The following SNTG1 variants were observed in gnomAD, a reference collection of about 807,000 sequenced individuals.
SNTG1 encodes the protein syntrophin gamma 1, also known as gamma-1-syntrophin.
A neutral mutation model predicts 74.7 loss-of-function variants in SNTG1; 39 were observed. That is an observed-to-expected ratio of 0.52 (90% CI 0.40 to 0.68). The LOEUF (loss-of-function observed/expected upper bound fraction) is 0.68. Among genes scored for constraint, SNTG1 ranks in the 30% least tolerant of loss-of-function variants. The pLI, the probability that SNTG1 is intolerant of heterozygous loss-of-function variation, is 0.00. For synonymous variants in SNTG1, 254 were observed against 217.1 expected (o/e 1.17, Z -1.49); for missense variants, 685 against 609.5 (o/e 1.12, Z -1.30).
intron 1 of SNTG1, among the ~76,000 whole-genome samples, chr8:49,938,547 CTTTTCTTTTGTTTTCTTTTCT>C (rs1323825821): frequency 1.8e-5 from 1 of 55,888 alleles, no homozygotes; most frequent in Admixed American, 2.3e-4. Context: ...ACCATGCCTT[CTTTTCTTTTGTTTTCTTTTCT>C]TTTCTTTTCT....
At chr8:49,984,537 T>C (rs887711953) in intron 1 of SNTG1, among the ~76,000 whole-genome samples, 6 of 152,154 alleles carry the variant, frequency 3.9e-5, no homozygotes, top group African/African-American at 7.2e-5. Context: ...ATTTCCAGTA[T>C]CAAATGAATG....
chr8:50,698,567 G>A (rs1025837039), intron 15 of SNTG1, among the ~76,000 whole-genome samples: 29 of 152,152 alleles, frequency 1.9e-4, no homozygotes, highest in Non-Finnish European at 3.7e-4. Flanking sequence ...GGTTCTGGCT[G>A]TGGGAACCTC....
At chr8:50,614,337 G>A (rs528414698) in intron 13 of SNTG1, among the ~76,000 whole-genome samples, 4 of 151,984 alleles carry the variant, frequency 2.6e-5, no homozygotes, top group African/African-American at 9.7e-5. Context: ...GCTTGAAATA[G>A]TTTCTTTCTA....
intron 2 of SNTG1, among the ~76,000 whole-genome samples, chr8:50,224,465 C>T (rs972731533): frequency 6.6e-6 from 1 of 152,132 alleles, no homozygotes; most frequent in African/African-American, 2.4e-5. Flanking sequence ...GACTCAGGAC[C>T]CTAGGCCTCA....
intron 18 of SNTG1, among the ~76,000 whole-genome samples, chr8:50,756,929 C>T (rs1270013860): frequency 6.6e-6 from 1 of 151,670 alleles, no homozygotes; most frequent in Non-Finnish European, 1.5e-5. Context: ...TTTAGTACTT[C>T]TTTGATTTAT....
intron 15 of SNTG1, among the ~76,000 whole-genome samples, chr8:50,672,265 G>C (rs1312828908): frequency 2.0e-5 from 3 of 152,002 alleles, no homozygotes; most frequent in Non-Finnish European, 4.4e-5. Flanking sequence ...GCCACATTGT[G>C]TTCCAAAATG....
intron 5 of SNTG1, among the ~76,000 whole-genome samples, chr8:50,445,768 C>G (rs1447601209): frequency 6.6e-6 from 1 of 152,160 alleles, no homozygotes; most frequent in African/African-American, 2.4e-5. Context: ...CAGTCCCGCC[C>G]AGGAGTGCCT....
chr8:50,645,924 T>G (rs2095106438), intron 13 of SNTG1, among the ~76,000 whole-genome samples: 1 of 152,148 alleles, frequency 6.6e-6, no homozygotes, highest in Non-Finnish European at 1.5e-5. Flanking sequence ...GATGCACATC[T>G]CTGAGCTTTT....
chr8:50,414,411 T>C (rs1017984905), intron 4 of SNTG1, among the ~76,000 whole-genome samples: 19 of 152,090 alleles, frequency 1.2e-4, no homozygotes, highest in Non-Finnish European at 2.5e-4. Context: ...ATCCTTTGGG[T>C]GATAGGAATG....
chr8:50,350,915 C>G (rs961257251), intron 2 of SNTG1, among the ~76,000 whole-genome samples: 1 of 152,212 alleles, frequency 6.6e-6, no homozygotes, highest in Admixed American at 6.5e-5. Context: ...CCGCCCAAAC[C>G]AGCAGTGGCA....
chr8:50,211,125 T>C (rs886766885), intron 2 of SNTG1, among the ~76,000 whole-genome samples: 2 of 152,168 alleles, frequency 1.3e-5, no homozygotes, highest in African/African-American at 4.8e-5. Flanking sequence ...CATCCCAAAA[T>C]ATGTTGACTC....
intron 12 of SNTG1, among the ~76,000 whole-genome samples, chr8:50,583,924 C>A (rs2130835830): frequency 6.6e-6 from 1 of 152,094 alleles, no homozygotes; most frequent in South Asian, 2.1e-4. Flanking sequence ...CCTCCCCGCT[C>A]CCTCCACCCC....
intron 4 of SNTG1, among the ~76,000 whole-genome samples, chr8:50,421,056 G>C (rs1406938969): frequency 8.6e-6 from 1 of 116,800 alleles, no homozygotes; most frequent in Non-Finnish European, 1.8e-5. Context: ...CGGGGGAGGG[G>C]GGGGCGAAGA....
intron 8 of SNTG1, among the ~76,000 whole-genome samples, chr8:50,496,648 G>A (rs2093907119): frequency 6.6e-6 from 1 of 151,804 alleles, no homozygotes; most frequent in Non-Finnish European, 1.5e-5. Flanking sequence ...GATTTGTAGT[G>A]GTTTTAATAT....
chr8:49,955,309 C>T (rs318883), intron 1 of SNTG1, among the ~76,000 whole-genome samples: 12,789 of 152,198 alleles, frequency 0.084, 1,744 homozygotes, highest in African/African-American at 0.29. Context: ...TGCATTCATG[C>T]GGTAAAGTGA....
intron 2 of SNTG1, among the ~76,000 whole-genome samples, chr8:50,325,898 G>A (rs780412648): frequency 6.6e-6 from 1 of 151,872 alleles, no homozygotes; most frequent in Non-Finnish European, 1.5e-5. Flanking sequence ...AGTTCAGGAG[G>A]TTTTCCTCTA....
chr8:50,232,379 A>C (rs910658947), intron 2 of SNTG1, among the ~76,000 whole-genome samples: 1 of 151,402 alleles, frequency 6.6e-6, no homozygotes, highest in Non-Finnish European at 1.5e-5. Flanking sequence ...TTCAGCACAC[A>C]TTTATGATTA....
chr8:50,782,781 C>G (rs2095663587), intron 18 of SNTG1, among the ~76,000 whole-genome samples: 1 of 152,090 alleles, frequency 6.6e-6, no homozygotes, highest in Non-Finnish European at 1.5e-5. Flanking sequence ...GAGAGGTGCT[C>G]CGGTTTTTAG....
chr8:50,456,973 A>T (rs951283239), intron 8 of SNTG1: 1 of 152,170 alleles, frequency 6.6e-6, no homozygotes, highest in Non-Finnish European at 1.5e-5. Flanking sequence ...CGTGTTATAC[A>T]AATTCCAAAA....
Sources: allele counts gnomAD v4.1 joint callset (sites outside exome capture counted in the v4.1 genomes callset), GRCh38; gene constraint gnomAD v4.1.1; transcripts MANE v1.5; gene names NCBI Gene and HGNC (gene_info 2026-07-23, HGNC 2026-07-21).